The following DPF2 variants were observed in gnomAD, a reference collection of about 807,000 sequenced individuals.
DPF2 encodes double PHD fingers 2.
DPF2 carries 10 observed loss-of-function variants against 59.6 expected under a neutral mutation model. That is an observed-to-expected ratio of 0.17 (90% confidence interval 0.10 to 0.28). The LOEUF (loss-of-function observed/expected upper bound fraction) is 0.28, where lower values mean the gene tolerates loss of function less well. Ranked by LOEUF, DPF2 falls within the 10% of genes least tolerant of loss-of-function variation. DPF2 has a pLI of 1.00. For synonymous variants in DPF2, 189 were observed against 190.6 expected (o/e 0.99, Z 0.07); for missense variants, 315 against 509.4 (o/e 0.62, Z 3.67).
At chr11:65,351,586 T>A in intron 10 of DPF2, 97 bp from the exon 11 acceptor site, 1 of 1,050,478 alleles carries the variant, frequency 9.5e-7, no homozygotes, top group Non-Finnish European at 1.5e-6. Context: ...TACCTGTAGC[T>A]GATCCTGCTA....
chr11:65,340,275 C>A, intron 1 of DPF2, 110 bp from the exon 2 acceptor site: 1 of 1,293,242 alleles, frequency 7.7e-7, no homozygotes. Flanking sequence ...AAGAGACAGC[C>A]ACCCAGTCCC....
chr11:65,343,128 C>T (rs1388930192), intron 4 of DPF2, among the ~76,000 whole-genome samples: 1 of 151,930 alleles, frequency 6.6e-6, no homozygotes, highest in Non-Finnish European at 1.5e-5. Context: ...GAAGAAACCC[C>T]GTCTCTACTA....
chr11:65,351,848 C>A lies in DPF2; in HGVS notation c.*89C>A. ...TACCCATCTTTCCCTTCTTCCTCCT[C>A]TCCTTCACAAATCCAGAGAACCTTG... is the stretch of plus-strand genomic sequence containing the variant. On this transcript the variant is annotated 3_prime_UTR_variant, in exon 11 of 11. Coordinates refer to ENST00000528416, the MANE Select transcript of DPF2 (RefSeq NM_006268.5). The A allele has an allele frequency of 7.0e-7, 1 of 1,428,830 alleles. No individual in the cohort carries two copies. The highest frequency in any genetic ancestry group is 9.8e-7 in the Non-Finnish European group (1 of 1,025,538). The allele number at this position is 1,428,830 out of a possible 1,614,324, so 88.5% of individuals were successfully genotyped here.
At chr11:65,346,584 C>G in intron 9 of DPF2, 1 of 483,280 alleles carries the variant, frequency 2.1e-6, no homozygotes, top group Non-Finnish European at 3.7e-6. Flanking sequence ...ATGCTAAAGA[C>G]AAACAAGGTC....
chr11:65,345,915 T>A lies in DPF2; in HGVS notation c.776-15T>A. 6.2e-7 allele frequency: 1 copy of A among 1,613,944 alleles called. No homozygotes were observed. Among genetic ancestry groups the A allele is most frequent in the Non-Finnish European group, 8.5e-7 (1 of 1,179,918 alleles). ...GGACCCCCATGGGTGTCATCAAAAC[T>A]CTTTCTCTCTGTAGCCAAAAAGGGT... is the stretch of plus-strand genomic sequence containing the variant. On this transcript the variant is annotated splice_polypyrimidine_tract_variant and intron_variant, in intron 7 of 10. Transcript: ENST00000528416.
In DPF2 at chr11:65,343,575, G is replaced by GGGAGCA. The variant is rs1854442342; in HGVS notation, c.466-160_466-155dup. Reference sequence around the variant, plus strand: ...GGGAAAGATATCCCAAAGTATGGAAGGGAGCAGGAGCAGGATTATAGCATG... The same window carrying GGGAGCA: ...GGGAAAGATATCCCAAAGTATGGAAGGGAGCAGGAGCAGGAGCAGGATTATAGCATG... On this transcript the variant is annotated intron_variant, in intron 4 of 10. Transcript: ENST00000528416. 1.3e-5 allele frequency: 8 copies of GGGAGCA among 615,272 alleles called. No individual in the cohort carries two copies. In the South Asian group the frequency reaches 1.4e-4, roughly 11 times the overall value. 38.1% of individuals were successfully genotyped at this position (615,272 alleles called of 1,614,324 possible).
intron 10 of DPF2, among the ~76,000 whole-genome samples, chr11:65,351,058 C>T (rs982040261): frequency 6.6e-6 from 1 of 151,482 alleles, no homozygotes; most frequent in Non-Finnish European, 1.5e-5. Flanking sequence ...AAATATTTAA[C>T]ACTCTGGCTC....
chr11:65,350,207 T>C (rs1469325286), intron 10 of DPF2, among the ~76,000 whole-genome samples: 2 of 152,092 alleles, frequency 1.3e-5, no homozygotes, highest in East Asian at 1.9e-4. Context: ...GTCCTCACTG[T>C]AGTGTTAAGG....
intron 1 of DPF2, among the ~76,000 whole-genome samples, chr11:65,339,255 AAAC>A (rs1013442166): frequency 8.5e-5 from 13 of 152,178 alleles, no homozygotes; most frequent in Non-Finnish European, 1.6e-4. Flanking sequence ...AAAAAAAAAA[AAAC>A]AAGATTGATT....
Position 65,341,527 on chromosome 11 carries a change from G to T in DPF2, c.430G>T (p.Gly144Cys), listed in dbSNP as rs755588550. The change falls in exon 4 of 11, where the codon GGC (glycine) becomes TGC (cysteine). Residue 144 changes from glycine to cysteine, a missense_variant. By Grantham distance (159) the Gly-to-Cys change is radical (BLOSUM62 -3). Around this residue, in one of 4 missense-constraint regions of DPF2, gnomAD observed 228 missense variants for 275.3 expected, o/e 0.83. Coordinates refer to ENST00000528416, the MANE Select transcript of DPF2 (RefSeq NM_006268.5). ...PDPRVDDDSL[G>C]EFPVTNSRAR... ...TCCCCGAGTTGATGATGACAGCCTG[G>T]GCGAGTTTCCTGTGACCAACAGTCG... The T allele has an allele frequency of 6.2e-7, 1 of 1,614,186 alleles. No individual in the cohort carries two copies. The highest frequency in any genetic ancestry group is 1.1e-5 in the South Asian group (1 of 91,090).
intron 4 of DPF2, 196 bp downstream of exon 4, chr11:65,341,758 A>C: frequency 3.1e-6 from 2 of 651,848 alleles, no homozygotes; most frequent in East Asian, 2.8e-5. Flanking sequence ...ATAGACTCTC[A>C]TTCATTCACT....
intron 9 of DPF2, 167 bp from the exon 10 acceptor site, chr11:65,348,683 G>T: frequency 2.7e-5 from 13 of 481,634 alleles, no homozygotes; most frequent in Admixed American, 7.3e-5. Context: ...AGTGAGAAAT[G>T]ACAGTGACTG....
intron 10 of DPF2, among the ~76,000 whole-genome samples, chr11:65,350,504 C>T (rs1342911505): frequency 6.6e-6 from 1 of 150,982 alleles, no homozygotes; most frequent in African/African-American, 2.4e-5. Flanking sequence ...CCACCTCAGC[C>T]TCCTGAGTAC....
chr11:65,350,374 C>CTTTTT (rs529951680), intron 10 of DPF2, among the ~76,000 whole-genome samples: 27 of 128,768 alleles, frequency 2.1e-4, no homozygotes, highest in South Asian at 2.4e-4. Flanking sequence ...TTCTTTCTTT[C>CTTTTT]TTTTTTTTTT....
chr11:65,337,478 T>A (rs372497624), intron 1 of DPF2, among the ~76,000 whole-genome samples: 1,040 of 32,492 alleles, frequency 0.032, 36 homozygotes, highest in Admixed American at 0.06. Context: ...AAAAAAAATA[T>A]ATATATATAT....
chr11:65,343,117 T>A (rs1366469105), intron 4 of DPF2, among the ~76,000 whole-genome samples: 2 of 151,652 alleles, frequency 1.3e-5, no homozygotes, highest in Non-Finnish European at 2.9e-5. Context: ...CTGACCAAGA[T>A]GAAGAAACCC....
intron 1 of DPF2, among the ~76,000 whole-genome samples, chr11:65,339,456 A>G (rs4647574): frequency 4.5e-4 from 69 of 152,270 alleles, no homozygotes; most frequent in African/African-American, 1.6e-3. Flanking sequence ...TTTGAGACCA[A>G]GAAGATTTTT....
At chr11:65,334,763 G>T (rs1246358685) in intron 1 of DPF2, among the ~76,000 whole-genome samples, 2 of 152,204 alleles carry the variant, frequency 1.3e-5, no homozygotes, top group African/African-American at 2.4e-5. Context: ...ATGAGTTTTA[G>T]ATTGGGTTAA....
At chr11:65,345,455 G>A (rs745399161) in intron 6 of DPF2, 2 of 623,968 alleles carry the variant, frequency 3.2e-6, no homozygotes, top group South Asian at 2.0e-5. Context: ...GAGTTCAGGA[G>A]GGAAAAGAGC....
Sources: allele counts gnomAD v4.1 joint callset (sites outside exome capture counted in the v4.1 genomes callset), GRCh38; gene constraint gnomAD v4.1.1; regional missense constraint gnomAD v4.1.1; transcripts MANE v1.5; gene names NCBI Gene and HGNC (gene_info 2026-07-23, HGNC 2026-07-21).